Variants in FGF12 observed in about 807,000 individuals in gnomAD.
FGF12 encodes the protein fibroblast growth factor 12.
In FGF12, 14 loss-of-function variants were observed where a neutral mutation model predicts 23.6. The observed-to-expected ratio is 0.59, with a 90% CI of 0.39 to 0.93. FGF12 has a LOEUF of 0.93. FGF12 is among the 40% of genes least tolerant of loss of function. FGF12 has a pLI of 0.00. For synonymous variants in FGF12, 62 were observed against 77.3 expected (o/e 0.80, Z 1.04); for missense variants, 175 against 217.8 (o/e 0.80, Z 1.24).
At chr3:192,356,884 G>A (rs6785324) in intron 3 of FGF12, among the ~76,000 whole-genome samples, 9,463 of 152,162 alleles carry the variant, frequency 0.062, 1,053 homozygotes, top group African/African-American at 0.22. Context: ...ATCCTTCTTC[G>A]ATATTTTGAC....
At chr3:192,332,906 T>C (rs896975919) in intron 4 of FGF12, among the ~76,000 whole-genome samples, 1 of 152,070 alleles carries the variant, frequency 6.6e-6, no homozygotes, top group Non-Finnish European at 1.5e-5. Context: ...AAGTCAAAGT[T>C]AACAGATGAC....
intron 2 of FGF12, among the ~76,000 whole-genome samples, chr3:192,621,029 C>G (rs942214912): frequency 1.3e-5 from 2 of 152,058 alleles, no homozygotes; most frequent in African/African-American, 2.4e-5. Flanking sequence ...GAATATAATT[C>G]TATATGACTT....
chr3:192,406,251 G>A (rs1720952031), intron 2 of FGF12, among the ~76,000 whole-genome samples: 1 of 151,690 alleles, frequency 6.6e-6, no homozygotes, highest in Non-Finnish European at 1.5e-5. Context: ...CAACTCCAGA[G>A]ATCAGGATCA....
At chr3:192,280,361 C>G (rs1266130420) in intron 4 of FGF12, among the ~76,000 whole-genome samples, 2 of 152,026 alleles carry the variant, frequency 1.3e-5, no homozygotes, top group Non-Finnish European at 2.9e-5. Flanking sequence ...TCTTTACTTA[C>G]TAGTTACAAA....
chr3:192,346,328 T>C (rs1261762902), intron 3 of FGF12, among the ~76,000 whole-genome samples: 1 of 152,174 alleles, frequency 6.6e-6, no homozygotes, highest in Non-Finnish European at 1.5e-5. Flanking sequence ...TTCCCTTACA[T>C]GGTGGGAGCT....
chr3:192,526,898 A>C (rs1402742256), intron 2 of FGF12, among the ~76,000 whole-genome samples: 1 of 152,152 alleles, frequency 6.6e-6, no homozygotes, highest in African/African-American at 2.4e-5. Flanking sequence ...TGACACACCT[A>C]CCACATGGTT....
chr3:192,533,652 C>A (rs971984759), intron 2 of FGF12, among the ~76,000 whole-genome samples: 1 of 152,206 alleles, frequency 6.6e-6, no homozygotes, highest in South Asian at 2.1e-4. Flanking sequence ...ACTTTTGAGC[C>A]TCTGTTCATT....
intron 4 of FGF12, among the ~76,000 whole-genome samples, chr3:192,316,952 C>T (rs370184728): frequency 7.2e-5 from 11 of 152,250 alleles, no homozygotes; most frequent in Admixed American, 5.9e-4. Context: ...GCATTCCAGG[C>T]CCTAGCTCCC....
chr3:192,554,648 T>C (rs1188079382), intron 2 of FGF12, among the ~76,000 whole-genome samples: 1 of 152,022 alleles, frequency 6.6e-6, no homozygotes, highest in Non-Finnish European at 1.5e-5. Context: ...CACAAAGTTA[T>C]AAGGCACATA....
Position 192,142,496 on chromosome 3 carries a change from T to G in FGF12, c.*1513A>C, listed in dbSNP as rs566728289. ...ACATTTTTTAACATTCTGTTTTGTGTTTTTTTTTCTTTAAATTTGGATGTC... is the reference window on the plus strand; with the variant it reads ...ACATTTTTTAACATTCTGTTTTGTGGTTTTTTTTCTTTAAATTTGGATGTC... On this transcript the variant is annotated 3_prime_UTR_variant, in exon 6 of 6. Coordinates refer to ENST00000445105, the MANE Select transcript of FGF12 (RefSeq NM_004113.6). 4.6e-5 allele frequency: 7 copies of G among 151,638 alleles called. No homozygotes were observed. The highest frequency in any genetic ancestry group is 1.9e-4 in the East Asian group (1 of 5,168). The allele number at this position is 151,638 out of a possible 1,614,324, so 9.4% of individuals were successfully genotyped here. A position where few individuals can be genotyped will look rare whatever the true frequency, so the allele number is the denominator to read the frequency against.
At chr3:192,447,947 C>T (rs565619957) in intron 2 of FGF12, among the ~76,000 whole-genome samples, 8 of 152,288 alleles carry the variant, frequency 5.3e-5, no homozygotes, top group Middle Eastern at 3.4e-3. Context: ...ACCATAAATT[C>T]GTTTCGCCAG....
intron 2 of FGF12, among the ~76,000 whole-genome samples, chr3:192,507,954 T>C (rs2108837694): frequency 6.6e-6 from 1 of 152,340 alleles, no homozygotes; most frequent in South Asian, 2.1e-4. Flanking sequence ...ACATGGCGAT[T>C]CACTGGTTCT....
At chr3:192,347,551 C>G (rs1302083322) in intron 3 of FGF12, among the ~76,000 whole-genome samples, 2 of 152,110 alleles carry the variant, frequency 1.3e-5, no homozygotes, top group Admixed American at 6.6e-5. Context: ...CTGCCCAGAT[C>G]ATCAGTGTCA....
chr3:192,392,232 G>A (rs546364647), intron 2 of FGF12, among the ~76,000 whole-genome samples: 1 of 152,074 alleles, frequency 6.6e-6, no homozygotes, highest in South Asian at 2.1e-4. Flanking sequence ...AATCAGAGTT[G>A]ACAACATATG....
chr3:192,607,573 T>C (rs7610664), intron 2 of FGF12, among the ~76,000 whole-genome samples: 17,811 of 152,180 alleles, frequency 0.12, 1,171 homozygotes, highest in Middle Eastern at 0.15. Flanking sequence ...GCCTGACATA[T>C]AGCACGCTTT....
At chr3:192,638,953 C>G (rs1421197221) in intron 2 of FGF12, among the ~76,000 whole-genome samples, 1 of 152,178 alleles carries the variant, frequency 6.6e-6, no homozygotes. Context: ...TCACTTCTGG[C>G]TTTCCCTGCA....
intron 4 of FGF12, among the ~76,000 whole-genome samples, chr3:192,194,469 G>GATAATACCAT (rs1716960425): frequency 1.3e-5 from 2 of 152,122 alleles, no homozygotes; most frequent in African/African-American, 4.8e-5. Flanking sequence ...TAATACCATA[G>GATAATACCAT]AGCTATACAT....
intron 4 of FGF12, among the ~76,000 whole-genome samples, chr3:192,281,376 TC>T (rs1392439918): frequency 6.6e-6 from 1 of 152,214 alleles, no homozygotes; most frequent in East Asian, 1.9e-4. Flanking sequence ...AGGACACTAG[TC>T]ATTGGATGGA....
chr3:192,233,144 G>A (rs1370565682), intron 4 of FGF12, among the ~76,000 whole-genome samples: 1 of 152,150 alleles, frequency 6.6e-6, no homozygotes, highest in Non-Finnish European at 1.5e-5. Flanking sequence ...TTCCCACAAT[G>A]GGTGAACTAC....
Sources: gnomAD v4.1 joint callset for allele counts (sites outside exome capture counted in the v4.1 genomes callset) on GRCh38, gnomAD v4.1.1 for gene constraint, MANE v1.5 for transcripts, NCBI Gene and HGNC (gene_info 2026-07-23, HGNC 2026-07-21) for gene names.